Variants in GLRA2 observed in about 807,000 individuals in gnomAD.
GLRA2 encodes glycine receptor alpha 2.
In GLRA2, 11 loss-of-function variants were observed where a neutral mutation model predicts 31.6. That is an observed-to-expected ratio of 0.35 (90% confidence interval 0.22 to 0.58). GLRA2 has a LOEUF of 0.58. Ranked by LOEUF, GLRA2 falls within the 20% of genes least tolerant of loss-of-function variation. The pLI is 0.84. For synonymous variants in GLRA2, 132 were observed against 134.0 expected, an observed-to-expected ratio of 0.99 and a Z score of 0.10; for missense variants, 212 against 351.8, an observed-to-expected ratio of 0.60 and a Z score of 3.18.
chrX:14,519,343 G>T, the GLRA2 span, among the ~76,000 whole-genome samples: 1 of 111,518 alleles, frequency 9.0e-6, no homozygotes. Context: ...GTATTTAAAA[G>T]TTAGAGGTGA....
At chrX:14,686,304 G>C (rs1310120696) in intron 7 of GLRA2, among the ~76,000 whole-genome samples, 2 of 111,865 alleles carry the variant, frequency 1.8e-5, no homozygotes, top group Non-Finnish European at 3.8e-5. Flanking sequence ...ATTTGGGGTG[G>C]AGAGTTCTGT....
At chrX:14,508,862 A>G in the GLRA2 span, among the ~76,000 whole-genome samples, 1 of 111,643 alleles carries the variant, frequency 9.0e-6, no homozygotes, top group African/African-American at 3.3e-5. Context: ...ATTCAAACAC[A>G]AAGCTGTCTA....
intron 7 of GLRA2, among the ~76,000 whole-genome samples, chrX:14,628,151 C>T (rs1457791047): frequency 9.0e-6 from 1 of 111,095 alleles, no homozygotes; most frequent in African/African-American, 3.3e-5. Flanking sequence ...CTTGTTGGGC[C>T]AGGCATAATG....
At chrX:14,593,188 G>T (rs758491374) in intron 4 of GLRA2, among the ~76,000 whole-genome samples, 2 of 111,817 alleles carry the variant, frequency 1.8e-5, no homozygotes, top group Non-Finnish European at 3.8e-5. Context: ...CAAAGGAAAA[G>T]GTACTTTATT....
intron 4 of GLRA2, among the ~76,000 whole-genome samples, chrX:14,592,764 T>C (rs2090158628): frequency 8.9e-6 from 1 of 112,637 alleles, no homozygotes; most frequent in Non-Finnish European, 1.9e-5. Flanking sequence ...CTAGATCATT[T>C]GTACCCTCTG....
chrX:14,562,215 C>A (rs1437747668), intron 2 of GLRA2, among the ~76,000 whole-genome samples: 1 of 112,204 alleles, frequency 8.9e-6, no homozygotes, highest in Non-Finnish European at 1.9e-5. Context: ...CTGTCAGAAC[C>A]AATTTTGTCA....
At chrX:14,512,449 G>A in the GLRA2 span, among the ~76,000 whole-genome samples, 2 of 111,227 alleles carry the variant, frequency 1.8e-5, no homozygotes, top group South Asian at 3.7e-4. Flanking sequence ...AGAAATAAAG[G>A]GCATCCAAAT....
At chrX:14,609,262 C>G (rs1193829047) in intron 7 of GLRA2, 57 bp downstream of exon 7, 1 of 759,414 alleles carries the variant, frequency 1.3e-6, no homozygotes, top group African/African-American at 2.1e-5. Context: ...GTCTTGTGGG[C>G]TGGAGAGTTC....
intron 4 of GLRA2, among the ~76,000 whole-genome samples, chrX:14,600,234 T>G (rs1429720883): frequency 9.0e-6 from 1 of 111,163 alleles, no homozygotes; most frequent in Non-Finnish European, 1.9e-5. Flanking sequence ...GATCTCTGCT[T>G]CCTGAAGAAA....
the GLRA2 span, among the ~76,000 whole-genome samples, chrX:14,484,988 T>TGGTCTTA: frequency 8.9e-6 from 1 of 112,611 alleles, no homozygotes. Context: ...CTTAAGCTCA[T>TGGTCTTA]GCTAAAATAG....
At chrX:14,701,194 A>C (rs369655238) in intron 8 of GLRA2, among the ~76,000 whole-genome samples, 6 of 110,992 alleles carry the variant, frequency 5.4e-5, no homozygotes, top group African/African-American at 2.0e-4. Context: ...ATACATCACC[A>C]GGAACCCACA....
chrX:14,497,773 A>G, the GLRA2 span, among the ~76,000 whole-genome samples: 8 of 111,205 alleles, frequency 7.2e-5, no homozygotes, highest in East Asian at 2.8e-4. Context: ...CCTCTAAGAT[A>G]CACTTTGCCC....
At chrX:14,518,960 C>T in the GLRA2 span, among the ~76,000 whole-genome samples, 10 of 93,180 alleles carry the variant, frequency 1.1e-4, no homozygotes, top group African/African-American at 3.7e-4. Context: ...TGAAGTGAGT[C>T]GAGATTGCGC....
the GLRA2 span, among the ~76,000 whole-genome samples, chrX:14,455,109 A>G: frequency 5.4e-5 from 6 of 111,613 alleles, no homozygotes; most frequent in Non-Finnish European, 7.5e-5. Context: ...CCTCAAAATC[A>G]GCCACTATCA....
intron 3 of GLRA2, among the ~76,000 whole-genome samples, chrX:14,575,269 C>T (rs1389873959): frequency 6.5e-5 from 7 of 107,432 alleles, no homozygotes; most frequent in Admixed American, 2.0e-4. Flanking sequence ...GGCACGATCT[C>T]GGCTTACTGC....
At chrX:14,650,461 A>T (rs1601800403) in intron 7 of GLRA2, among the ~76,000 whole-genome samples, 1 of 110,679 alleles carries the variant, frequency 9.0e-6, no homozygotes, top group South Asian at 3.9e-4. Context: ...GGAAGGGAAA[A>T]TACATCTGAA....
chrX:14,668,778 C>T (rs7882318), intron 7 of GLRA2, among the ~76,000 whole-genome samples: 6,633 of 111,664 alleles, frequency 0.059, 235 homozygotes, highest in African/African-American at 0.12. Context: ...CTGGGTCCCT[C>T]CCACAACACG....
At chrX:14,574,466 C>T in intron 3 of GLRA2, 66 bp downstream of exon 3, 1 of 1,181,543 alleles carries the variant, frequency 8.5e-7, no homozygotes, top group Non-Finnish European at 1.2e-6. Context: ...CACAAACTGT[C>T]AAATTTTCTA....
At chrX:14,709,433 G>GT (rs2091680857) in intron 8 of GLRA2, among the ~76,000 whole-genome samples, 1 of 111,940 alleles carries the variant, frequency 8.9e-6, no homozygotes, top group African/African-American at 3.3e-5. Flanking sequence ...CTACAGACAA[G>GT]TTTTCTCTCT....
Sources: gnomAD v4.1 joint callset for allele counts (sites outside exome capture counted in the v4.1 genomes callset) on GRCh38, gnomAD v4.1.1 for gene constraint, MANE v1.5 for transcripts, NCBI Gene and HGNC (gene_info 2026-07-23, HGNC 2026-07-21) for gene names.